The following ASIC2 variants were observed in gnomAD, a reference collection of about 807,000 sequenced individuals.
The protein encoded by ASIC2 is acid-sensing ion channel 2.
ASIC2 carries 25 observed loss-of-function variants against 57.3 expected under a neutral mutation model. That is an observed-to-expected ratio of 0.44 (90% CI 0.32 to 0.61). ASIC2 has a LOEUF of 0.61. Ranked by LOEUF, ASIC2 falls within the 20% of genes least tolerant of loss-of-function variation. The pLI, the probability that ASIC2 is intolerant of heterozygous loss-of-function variation, is 0.06. For synonymous variants in ASIC2, 319 were observed against 307.5 expected (o/e 1.04, Z -0.39); for missense variants, 641 against 738.1 (o/e 0.87, Z 1.52).
chr17:33,195,071 C>T (rs1906571092), intron 1 of ASIC2, among the ~76,000 whole-genome samples: 1 of 152,130 alleles, frequency 6.6e-6, no homozygotes, highest in African/African-American at 2.4e-5. Flanking sequence ...AAGTCGGGCT[C>T]CTGGCTTGAC....
chr17:33,522,628 A>G (rs1351952214), intron 1 of ASIC2, among the ~76,000 whole-genome samples: 1 of 152,248 alleles, frequency 6.6e-6, no homozygotes, highest in Admixed American at 6.5e-5. Flanking sequence ...AGTCCCTCAC[A>G]GGACTCAGTG....
chr17:33,433,395 T>C (rs1366758445), intron 1 of ASIC2, among the ~76,000 whole-genome samples: 2 of 152,126 alleles, frequency 1.3e-5, no homozygotes, highest in South Asian at 2.1e-4. Flanking sequence ...ACTGGGCCTG[T>C]CATTGAGTGG....
chr17:33,758,853 C>CA, intron 1 of ASIC2, among the ~76,000 whole-genome samples: 1 of 151,254 alleles, frequency 6.6e-6, no homozygotes, highest in East Asian at 2.0e-4. Flanking sequence ...ACATAAATTC[C>CA]TTTTCTTTAT....
At chr17:34,075,569 C>CATT (rs1909604881) in intron 1 of ASIC2, among the ~76,000 whole-genome samples, 1 of 152,138 alleles carries the variant, frequency 6.6e-6, no homozygotes, top group Admixed American at 6.5e-5. Context: ...AGCTGAAAAC[C>CATT]ATTAGCCTTT....
intron 1 of ASIC2, among the ~76,000 whole-genome samples, chr17:33,255,206 A>C (rs1909022635): frequency 6.6e-6 from 1 of 151,468 alleles, no homozygotes. Flanking sequence ...CACTTGGCTA[A>C]TTTTTGTATT....
chr17:34,022,252 T>C (rs898607797), intron 1 of ASIC2, among the ~76,000 whole-genome samples: 2 of 152,202 alleles, frequency 1.3e-5, no homozygotes, highest in African/African-American at 4.8e-5. Flanking sequence ...GATTGCTTTG[T>C]CTGCACTTGC....
chr17:33,647,221 C>T (rs1386792007), intron 1 of ASIC2, among the ~76,000 whole-genome samples: 2 of 152,058 alleles, frequency 1.3e-5, no homozygotes, highest in Non-Finnish European at 2.9e-5. Context: ...AGAAATAATC[C>T]GTTTTATAGA....
chr17:33,069,541 G>A (rs916693528), intron 3 of ASIC2, among the ~76,000 whole-genome samples: 1 of 151,964 alleles, frequency 6.6e-6, no homozygotes, highest in Non-Finnish European at 1.5e-5. Flanking sequence ...AAATATTTAG[G>A]TTTGCTCTGT....
chr17:33,089,868 C>T (rs533838138), intron 2 of ASIC2, among the ~76,000 whole-genome samples: 26 of 152,194 alleles, frequency 1.7e-4, no homozygotes, highest in African/African-American at 5.3e-4. Context: ...AGGTTGGGGG[C>T]GGTACAGAGC....
intron 1 of ASIC2, among the ~76,000 whole-genome samples, chr17:34,028,446 G>T (rs1247988085): frequency 6.6e-6 from 1 of 152,194 alleles, no homozygotes; most frequent in African/African-American, 2.4e-5. Flanking sequence ...ACACAAACCT[G>T]AGCTCCACAC....
intron 3 of ASIC2, among the ~76,000 whole-genome samples, chr17:33,087,279 T>C (rs1272276973): frequency 6.6e-6 from 1 of 152,148 alleles, no homozygotes; most frequent in Non-Finnish European, 1.5e-5. Context: ...CAAGGATATA[T>C]TTTCCTGGTT....
chr17:33,805,947 C>CACATATT (rs1452592256), intron 1 of ASIC2, among the ~76,000 whole-genome samples: 1 of 152,204 alleles, frequency 6.6e-6, no homozygotes, highest in East Asian at 1.9e-4. Context: ...CACACTTGCA[C>CACATATT]ACATATTATA....
chr17:33,564,507 C>T (rs1916171104), intron 1 of ASIC2, among the ~76,000 whole-genome samples: 1 of 152,198 alleles, frequency 6.6e-6, no homozygotes, highest in African/African-American at 2.4e-5. Context: ...GTTTGGGTTT[C>T]CTGAGTTAAT....
chr17:33,589,985 T>A (rs892687513), intron 1 of ASIC2, among the ~76,000 whole-genome samples: 1 of 152,186 alleles, frequency 6.6e-6, no homozygotes, highest in Non-Finnish European at 1.5e-5. Flanking sequence ...CAAGGGAGGA[T>A]GCATTTCTGT....
At chr17:33,218,333 T>C (rs1302647900) in intron 1 of ASIC2, among the ~76,000 whole-genome samples, 2 of 152,158 alleles carry the variant, frequency 1.3e-5, no homozygotes, top group Non-Finnish European at 2.9e-5. Flanking sequence ...ACATGTGCTC[T>C]CTCCTGCTTT....
At chr17:33,731,093 G>T (rs1411754543) in intron 1 of ASIC2, among the ~76,000 whole-genome samples, 4 of 152,114 alleles carry the variant, frequency 2.6e-5, no homozygotes, top group African/African-American at 7.2e-5. Context: ...AATGGATGAG[G>T]GTATGAATAA....
chr17:34,080,492 C>T (rs1025157110), intron 1 of ASIC2, among the ~76,000 whole-genome samples: 1 of 152,192 alleles, frequency 6.6e-6, no homozygotes, highest in Non-Finnish European at 1.5e-5. Flanking sequence ...TCTCACTTTC[C>T]AACTGGATGA....
At chr17:33,920,157 G>A (rs376658733) in intron 1 of ASIC2, among the ~76,000 whole-genome samples, 76 of 152,084 alleles carry the variant, frequency 5.0e-4, no homozygotes, top group South Asian at 1.5e-3. Context: ...TTCGTTACTG[G>A]GTATATATCC....
intron 1 of ASIC2, among the ~76,000 whole-genome samples, chr17:33,603,277 G>T (rs1328320509): frequency 2.0e-5 from 3 of 152,166 alleles, no homozygotes; most frequent in Non-Finnish European, 1.5e-5. Context: ...TGCTTGTATG[G>T]GTTTCCCCAC....
Sources: allele counts gnomAD v4.1 joint callset (sites outside exome capture counted in the v4.1 genomes callset), GRCh38; gene constraint gnomAD v4.1.1; transcripts MANE v1.5; gene names NCBI Gene and HGNC (gene_info 2026-07-23, HGNC 2026-07-21).